Variants in WASF3 observed in about 807,000 individuals in gnomAD.
The protein encoded by WASF3 is actin-binding protein WASF3.
In WASF3, 11 loss-of-function variants were observed where a neutral mutation model predicts 46.6. The ratio of observed to expected loss-of-function variants is 0.24; its 90% CI spans 0.15 to 0.39. WASF3 has a LOEUF of 0.39. WASF3 is among the 10% of genes least tolerant of loss of function. The pLI is 1.00. For missense variants in WASF3, 576 were observed against 669.8 expected, an observed-to-expected ratio of 0.86 and a Z score of 1.55; for synonymous variants, 242 against 259.7, an observed-to-expected ratio of 0.93 and a Z score of 0.65.
intron 2 of WASF3, chr13:26,641,384 G>A (rs9512299): frequency 0.16 from 24,040 of 152,146 alleles, 2,396 homozygotes; most frequent in South Asian, 0.26. Context: ...GCTGCCCCCA[G>A]TTAGCAGCCT....
intron 6 of WASF3, among the ~76,000 whole-genome samples, chr13:26,674,694 A>G (rs780883909): frequency 2.6e-5 from 4 of 152,178 alleles, no homozygotes; most frequent in African/African-American, 4.8e-5. Context: ...TAAATTACCC[A>G]TTACTGTTGC....
intron 1 of WASF3, among the ~76,000 whole-genome samples, chr13:26,583,686 C>T (rs771896642): frequency 6.6e-6 from 1 of 152,138 alleles, no homozygotes; most frequent in East Asian, 1.9e-4. Context: ...GTACTTTACC[C>T]TCTGTATTTC....
chr13:26,633,276 C>T (rs1391196724), intron 2 of WASF3, among the ~76,000 whole-genome samples: 6 of 139,100 alleles, frequency 4.3e-5, no homozygotes, highest in Non-Finnish European at 7.7e-5. Context: ...CATCTCAGCT[C>T]ATCACAACCT....
chr13:26,598,522 C>T (rs558772629), intron 1 of WASF3, among the ~76,000 whole-genome samples: 7 of 152,282 alleles, frequency 4.6e-5, no homozygotes, highest in East Asian at 1.9e-4. Flanking sequence ...ATATCTATCC[C>T]GGCAAAAGGC....
chr13:26,565,407 C>G (rs997374529), intron 1 of WASF3, among the ~76,000 whole-genome samples: 1 of 152,022 alleles, frequency 6.6e-6, no homozygotes, highest in Non-Finnish European at 1.5e-5. Flanking sequence ...ACTTTACATG[C>G]CTTCAAAAGT....
intron 2 of WASF3, among the ~76,000 whole-genome samples, chr13:26,628,135 C>A (rs1365193757): frequency 6.6e-6 from 1 of 151,998 alleles, no homozygotes; most frequent in Non-Finnish European, 1.5e-5. Flanking sequence ...AAAGGGCTGT[C>A]AAATCCCGTA....
At chr13:26,656,580 C>G (rs1882472731) in intron 3 of WASF3, among the ~76,000 whole-genome samples, 1 of 151,956 alleles carries the variant, frequency 6.6e-6, no homozygotes, top group African/African-American at 2.4e-5. Context: ...AGAAACATGA[C>G]TTCCTGGTAA....
At chr13:26,559,966 C>T (rs918450703) in intron 1 of WASF3, among the ~76,000 whole-genome samples, 115 of 151,380 alleles carry the variant, frequency 7.6e-4, no homozygotes, top group African/African-American at 2.3e-3. Flanking sequence ...TACAGGCGCC[C>T]GCCACCATGC....
chr13:26,610,937 T>C (rs1880956678), intron 1 of WASF3, among the ~76,000 whole-genome samples: 1 of 152,130 alleles, frequency 6.6e-6, no homozygotes. Context: ...GTTCTTGACT[T>C]ATGTTAGAAA....
At chr13:26,589,628 C>G (rs550956997) in intron 1 of WASF3, among the ~76,000 whole-genome samples, 1 of 152,182 alleles carries the variant, frequency 6.6e-6, no homozygotes, top group East Asian at 1.9e-4. Context: ...TGATTTTTGA[C>G]TATATCTAGT....
Position 26,598,159 on chromosome 13 carries a change from T to C in WASF3, c.-108-14802T>C, listed in dbSNP as rs571345793. Among the ~76,000 whole-genome samples, 4 of 152,374 alleles carry C rather than the reference T, an allele frequency of 2.6e-5. No individual in the cohort carries two copies. The East Asian group carries it at 7.7e-4, about 29-fold the overall frequency. Reference sequence around the variant, plus strand: ...CCTGTCTTTCTAATGATCGCCATTCTAACCGGTATGAGATGGTATCTCATT... The same window carrying C: ...CCTGTCTTTCTAATGATCGCCATTCCAACCGGTATGAGATGGTATCTCATT... On this transcript the variant is annotated intron_variant, in intron 1 of 9. Coordinates refer to ENST00000335327, the MANE Select transcript of WASF3 (RefSeq NM_006646.6).
chr13:26,608,281 G>A (rs964644527), intron 1 of WASF3, among the ~76,000 whole-genome samples: 2 of 152,054 alleles, frequency 1.3e-5, no homozygotes, highest in Admixed American at 1.3e-4. Flanking sequence ...ATTATCTTAC[G>A]ATTCTTGTAT....
rs530513372 is a variant in WASF3 at position 26,665,078 on chromosome 13, T to G, written c.184T>G (p.Phe62Val). 3.0e-5 allele frequency: 48 copies of G among 1,614,072 alleles called. No individual in the cohort carries two copies. Among genetic ancestry groups the G allele is most frequent in the Non-Finnish European group, 3.9e-5 (46 of 1,180,012 alleles). The change falls in exon 4 of 10, where the codon TTC becomes GTC. Residue 62 changes from phenylalanine to valine, a missense_variant. Physicochemically the swap from Phe to Val is conservative, Grantham distance 50 (BLOSUM62 -1). This residue lies in a region of WASF3 where 213 missense variants were observed against 278.0 expected (regional missense o/e 0.77). Coordinates refer to ENST00000335327, the MANE Select transcript of WASF3 (RefSeq NM_006646.6). ...FGELFNEANN[F>V]YIRANSLQDR... The stretch of plus-strand genomic sequence containing the variant: ...TGAGTTGTTTAATGAGGCTAACAAC[T>G]TCTACATCAGAGCAAATTCTCTTCA...
At chr13:26,598,260 T>C (rs1027328114) in intron 1 of WASF3, among the ~76,000 whole-genome samples, 1 of 152,248 alleles carries the variant, frequency 6.6e-6, no homozygotes, top group Non-Finnish European at 1.5e-5. Context: ...TGCATAAATG[T>C]CTTCTTTTGA....
intron 2 of WASF3, among the ~76,000 whole-genome samples, chr13:26,627,520 A>G (rs73496306): frequency 5.7e-4 from 87 of 152,200 alleles, no homozygotes; most frequent in African/African-American, 2.0e-3. Context: ...TATATGTGTC[A>G]CTGTTTATTC....
At chr13:26,683,014 A>T (rs770657302) in intron 9 of WASF3, 40 bp downstream of exon 9, 1 of 1,572,494 alleles carries the variant, frequency 6.4e-7, no homozygotes, top group Non-Finnish European at 8.6e-7. Context: ...CCTTTCAGCA[A>T]GAGGTTTCTT....
chr13:26,651,356 G>T (rs1191884743), intron 3 of WASF3, among the ~76,000 whole-genome samples: 1 of 151,916 alleles, frequency 6.6e-6, no homozygotes, highest in African/African-American at 2.4e-5. Context: ...CAAAAATTTT[G>T]CTAAAGGAAC....
intron 1 of WASF3, among the ~76,000 whole-genome samples, chr13:26,583,551 CTTTCATTGAAAATTCCTTA>C (rs1299275007): frequency 1.3e-5 from 2 of 152,044 alleles, no homozygotes; most frequent in African/African-American, 4.8e-5. Flanking sequence ...TAGGTAGTGT[CTTTCATTGAAAATTCCTTA>C]TTTCATTGAA....
At chr13:26,582,072 C>T (rs922122372) in intron 1 of WASF3, among the ~76,000 whole-genome samples, 1 of 152,210 alleles carries the variant, frequency 6.6e-6, no homozygotes, top group Non-Finnish European at 1.5e-5. Context: ...TGAGTCTTTG[C>T]ATGAGTCTGA....
Sources: allele counts gnomAD v4.1 joint callset (sites outside exome capture counted in the v4.1 genomes callset), GRCh38; gene constraint gnomAD v4.1.1; regional missense constraint gnomAD v4.1.1; transcripts MANE v1.5; gene names NCBI Gene and HGNC (gene_info 2026-07-23, HGNC 2026-07-21).